Variants in FAM13A observed in about 807,000 individuals in gnomAD.
FAM13A encodes the protein family with sequence similarity 13 member A.
In FAM13A, 76 loss-of-function variants were observed where a neutral mutation model predicts 129.6. The ratio of observed to expected loss-of-function variants is 0.59; its 90% CI spans 0.49 to 0.71. The LOEUF (loss-of-function observed/expected upper bound fraction) is 0.71, where lower values mean the gene tolerates loss of function less well. FAM13A is among the 30% of genes least tolerant of loss of function. The pLI, the probability that FAM13A is intolerant of heterozygous loss-of-function variation, is 0.00. For synonymous variants in FAM13A, 443 were observed against 449.9 expected (o/e 0.98, Z 0.20); for missense variants, 1,108 against 1,249.3 (o/e 0.89, Z 1.70).
intron 7 of FAM13A, among the ~76,000 whole-genome samples, chr4:88,825,860 A>G (rs1438993943): frequency 6.6e-6 from 1 of 152,126 alleles, no homozygotes; most frequent in Non-Finnish European, 1.5e-5. Flanking sequence ...CTATAACTCA[A>G]TAACTACATG....
chr4:88,768,594 ACACAC>A (rs1465154977), intron 11 of FAM13A, among the ~76,000 whole-genome samples: 1 of 152,112 alleles, frequency 6.6e-6, no homozygotes, highest in Non-Finnish European at 1.5e-5. Context: ...ATATATGCAC[ACACAC>A]ATATACATAC....
At chr4:88,889,062 G>C (rs574501375) in intron 6 of FAM13A, among the ~76,000 whole-genome samples, 36 of 152,204 alleles carry the variant, frequency 2.4e-4, no homozygotes, top group African/African-American at 8.7e-4. Context: ...GAGGGGAATC[G>C]CAGGGGTGAA....
chr4:89,028,985 C>T (rs912814474), intron 2 of FAM13A, among the ~76,000 whole-genome samples: 3 of 152,082 alleles, frequency 2.0e-5, no homozygotes, highest in African/African-American at 7.2e-5. Context: ...AAACCACCCC[C>T]CACCACTCCG....
intron 20 of FAM13A, among the ~76,000 whole-genome samples, chr4:88,738,457 G>C (rs1025014369): frequency 2.0e-5 from 3 of 152,146 alleles, no homozygotes; most frequent in African/African-American, 4.8e-5. Flanking sequence ...CCCTACTCTT[G>C]ACAAAATCAA....
At position 88,836,817 on chromosome 4, in the gene FAM13A, G is replaced by A. The variant is rs564686764; in HGVS notation, c.1007+14203C>T. Among the ~76,000 whole-genome samples, 32 of 151,842 alleles carry A rather than the reference G, an allele frequency of 2.1e-4. No homozygotes were observed. The South Asian group carries it at 6.1e-3, about 29-fold the overall frequency. On this transcript the variant is annotated intron_variant, in intron 7 of 23. Coordinates refer to ENST00000264344, the MANE Select transcript of FAM13A (RefSeq NM_014883.4). The stretch of plus-strand genomic sequence containing the variant: ...TCTACTAAAAATACAACAATTAGCC[G>A]GGCATGGTGGCGGGTGTTTGTAATC...
chr4:88,750,579 G>A lies in FAM13A; in HGVS notation c.1785C>T (p.His595=). The A allele has an allele frequency of 6.2e-7, 1 of 1,614,162 alleles. No homozygotes were observed. Among genetic ancestry groups the A allele is most frequent in the Non-Finnish European group, 8.5e-7 (1 of 1,180,032 alleles). The change falls in exon 15 of 24, where the codon CAC becomes CAT. Residue 595 remains histidine (H), a synonymous_variant. Coordinates refer to ENST00000264344, the MANE Select transcript of FAM13A (RefSeq NM_014883.4). ...TCAGGCGCCCAGCCTGCGGCGAGAG[G>A]TGGGCTTCATCAGAGTCACTGTTCT... The part of the protein sequence containing the change: ...QRENSDSDEA[H]LSPQAGRLIR...
At chr4:88,858,670 A>T (rs1738958908) in intron 6 of FAM13A, among the ~76,000 whole-genome samples, 1 of 152,234 alleles carries the variant, frequency 6.6e-6, no homozygotes, top group Non-Finnish European at 1.5e-5. Context: ...TTCCATTGGC[A>T]GGAAATGTCT....
intron 7 of FAM13A, among the ~76,000 whole-genome samples, chr4:88,836,193 G>A (rs899480764): frequency 3.9e-5 from 6 of 151,926 alleles, no homozygotes; most frequent in African/African-American, 1.5e-4. Flanking sequence ...TAATACTACT[G>A]AACTGCATAC....
chr4:88,858,199 T>C (rs946286385), intron 6 of FAM13A, among the ~76,000 whole-genome samples: 2 of 152,208 alleles, frequency 1.3e-5, no homozygotes, highest in Non-Finnish European at 2.9e-5. Context: ...CCTCACCTTT[T>C]AGAAGCTACT....
chr4:88,984,649 T>C (rs1189436963), intron 4 of FAM13A, among the ~76,000 whole-genome samples: 2 of 152,174 alleles, frequency 1.3e-5, no homozygotes, highest in African/African-American at 2.4e-5. Flanking sequence ...GAGAAACTGG[T>C]TCGCCCATAC....
At chr4:88,882,814 T>A (rs998740947) in intron 6 of FAM13A, among the ~76,000 whole-genome samples, 4 of 152,050 alleles carry the variant, frequency 2.6e-5, no homozygotes, top group Non-Finnish European at 5.9e-5. Context: ...TGTAAAGGGT[T>A]GGAAAAAGAT....
chr4:88,760,193 G>A (rs1162899668), intron 13 of FAM13A, among the ~76,000 whole-genome samples: 1 of 152,190 alleles, frequency 6.6e-6, no homozygotes, highest in Non-Finnish European at 1.5e-5. Flanking sequence ...TCAGGGAATA[G>A]CCAGGGCTTT....
chr4:88,931,468 G>T (rs1401824693), intron 5 of FAM13A, among the ~76,000 whole-genome samples: 1 of 152,028 alleles, frequency 6.6e-6, no homozygotes, highest in Non-Finnish European at 1.5e-5. Context: ...GTCAGTCCCT[G>T]GCCATGCAGG....
intron 20 of FAM13A, 27 bp from the exon 21 acceptor site, chr4:88,737,582 A>G: frequency 6.3e-7 from 1 of 1,585,938 alleles, no homozygotes; most frequent in Non-Finnish European, 8.7e-7. Flanking sequence ...CAAGTAGGTT[A>G]CATTCCGAAC....
chr4:88,947,555 T>G (rs1756132539), intron 4 of FAM13A, among the ~76,000 whole-genome samples: 1 of 152,160 alleles, frequency 6.6e-6, no homozygotes, highest in Admixed American at 6.5e-5. Flanking sequence ...ATTGGCATAA[T>G]AATAAATTTC....
chr4:88,848,620 G>C (rs931135263), intron 7 of FAM13A, among the ~76,000 whole-genome samples: 2 of 152,134 alleles, frequency 1.3e-5, no homozygotes, highest in African/African-American at 4.8e-5. Flanking sequence ...GCGCTGAATT[G>C]CTCCAAAGGC....
At chr4:88,816,691 T>G (rs1422211091) in intron 7 of FAM13A, among the ~76,000 whole-genome samples, 1 of 152,226 alleles carries the variant, frequency 6.6e-6, no homozygotes, top group African/African-American at 2.4e-5. Context: ...AACTCCACTA[T>G]TAATCCCAAA....
chr4:88,956,411 C>T (rs568141692), intron 4 of FAM13A, among the ~76,000 whole-genome samples: 29 of 152,082 alleles, frequency 1.9e-4, no homozygotes, highest in Middle Eastern at 3.4e-3. Flanking sequence ...TTATACCTCT[C>T]GGTTAATATA....
At chr4:88,943,188 C>A (rs1755076643) in intron 4 of FAM13A, among the ~76,000 whole-genome samples, 1 of 152,078 alleles carries the variant, frequency 6.6e-6, no homozygotes, top group South Asian at 2.1e-4. Flanking sequence ...ACAAACTTCC[C>A]AAAATTGAAT....
Sources: allele counts gnomAD v4.1 joint callset (sites outside exome capture counted in the v4.1 genomes callset), GRCh38; gene constraint gnomAD v4.1.1; transcripts MANE v1.5; gene names NCBI Gene and HGNC (gene_info 2026-07-23, HGNC 2026-07-21).